Variants in RPGRIP1L observed in about 807,000 individuals in gnomAD.
RPGRIP1L encodes the protein RPGRIP1 like.
Under a neutral mutation model 160.4 loss-of-function variants are expected in RPGRIP1L, and 131 were observed. The ratio of observed to expected loss-of-function variants is 0.82; its 90% CI spans 0.71 to 0.94. The LOEUF (loss-of-function observed/expected upper bound fraction) is 0.94, where lower values mean the gene tolerates loss of function less well. Among genes scored for constraint, RPGRIP1L ranks in the 40% least tolerant of loss-of-function variants. The pLI is 0.00. For missense variants in RPGRIP1L, 1,522 were observed against 1,535.8 expected (o/e 0.99, Z 0.15); for synonymous variants, 510 against 515.8 (o/e 0.99, Z 0.15).
chr16:53,660,123 C>T (rs754750016), intron 10 of RPGRIP1L, among the ~76,000 whole-genome samples: 3 of 152,118 alleles, frequency 2.0e-5, no homozygotes, highest in African/African-American at 7.2e-5. Context: ...AGCATAATAG[C>T]TAGCGAACAA....
At chr16:53,664,440 C>T (rs965868528) in intron 10 of RPGRIP1L, among the ~76,000 whole-genome samples, 9 of 152,150 alleles carry the variant, frequency 5.9e-5, no homozygotes, top group Non-Finnish European at 1.2e-4. Flanking sequence ...CACCACCTCA[C>T]GTATTACATA....
At position 53,686,590 on chromosome 16, in the gene RPGRIP1L, C is replaced by G; in HGVS notation, c.633-14G>C. 3 of 1,613,100 alleles carry G rather than the reference C, an allele frequency of 1.9e-6. No homozygotes were observed. The highest frequency in any genetic ancestry group is 2.5e-6 in the Non-Finnish European group (3 of 1,179,456). Reference sequence around the variant, plus strand: ...ATAACGTTTTCTCTGAAATAAAGAGCCTCTGTAAGAACTTGTAGTTTGAGG... The same window carrying G: ...ATAACGTTTTCTCTGAAATAAAGAGGCTCTGTAAGAACTTGTAGTTTGAGG... On this transcript the variant is annotated splice_polypyrimidine_tract_variant and intron_variant, in intron 5 of 26. Transcript: ENST00000647211.
chr16:53,656,603 G>GA lies in RPGRIP1L; in HGVS notation c.1582-15dup. On this transcript the variant is annotated splice_polypyrimidine_tract_variant and intron_variant, in intron 13 of 26. Coordinates refer to ENST00000647211, the MANE Select transcript of RPGRIP1L (RefSeq NM_015272.5). ...CTCAACCTCCATCTACAAAATAAGG[G>GA]AAAATAAGTTTTAATACTTATGATT... is the stretch of plus-strand genomic sequence containing the variant. 6.5e-7 allele frequency: 1 copy of GA among 1,543,352 alleles called. No homozygotes were observed. The highest frequency in any genetic ancestry group is 2.2e-5 in the East Asian group (1 of 44,510).
chr16:53,640,472 A>C (rs985942006), intron 19 of RPGRIP1L, among the ~76,000 whole-genome samples: 1 of 152,150 alleles, frequency 6.6e-6, no homozygotes, highest in African/African-American at 2.4e-5. Flanking sequence ...ACGTCTGAGG[A>C]TTGACTGCAG....
chr16:53,644,784 C>T (rs1159440675), intron 17 of RPGRIP1L, among the ~76,000 whole-genome samples: 1 of 152,116 alleles, frequency 6.6e-6, no homozygotes, highest in African/African-American at 2.4e-5. Flanking sequence ...AGAATCCTCC[C>T]AGACTGAGAG....
In RPGRIP1L at chr16:53,629,491, C is replaced by T. The variant is rs1393679686; in HGVS notation, c.3294+6948G>A. On this transcript the variant is annotated intron_variant, in intron 22 of 26. Transcript: ENST00000647211. ...GGATCACACTTTGAGAAATATTGCT[C>T]TAAACCAAAAAAGATTCATCTTCCA... Among the ~76,000 whole-genome samples, 4 of 152,048 alleles carry T rather than the reference C, an allele frequency of 2.6e-5. No homozygotes were observed. In the East Asian group the frequency reaches 7.7e-4, roughly 29 times the overall value.
chr16:53,678,076 T>C (rs781653368), intron 6 of RPGRIP1L, among the ~76,000 whole-genome samples: 2 of 151,868 alleles, frequency 1.3e-5, no homozygotes, highest in Non-Finnish European at 2.9e-5. Context: ...AAAATTTTCA[T>C]CAAGGATTTT....
intron 3 of RPGRIP1L, among the ~76,000 whole-genome samples, chr16:53,692,656 C>T (rs1039459878): frequency 6.6e-6 from 1 of 152,316 alleles, no homozygotes; most frequent in Admixed American, 6.5e-5. Context: ...CAATTTTTAA[C>T]GCATGACCTT....
At chr16:53,679,996 T>G (rs1172430661) in intron 6 of RPGRIP1L, among the ~76,000 whole-genome samples, 1 of 152,208 alleles carries the variant, frequency 6.6e-6, no homozygotes, top group Non-Finnish European at 1.5e-5. Context: ...CTCTTCAAAG[T>G]TAAATTCTTC....
At chr16:53,701,477 T>C (rs1195597150) in intron 1 of RPGRIP1L, among the ~76,000 whole-genome samples, 2 of 150,762 alleles carry the variant, frequency 1.3e-5, no homozygotes, top group African/African-American at 4.9e-5. Context: ...AAATACACCA[T>C]AGTAACTCTA....
At chr16:53,622,950 G>T (rs1964835717) in intron 22 of RPGRIP1L, among the ~76,000 whole-genome samples, 1 of 152,020 alleles carries the variant, frequency 6.6e-6, no homozygotes, top group South Asian at 2.1e-4. Context: ...AGGGAGCCAT[G>T]ATCTTGCCAC....
chr16:53,617,262 A>G (rs756388015), intron 24 of RPGRIP1L, among the ~76,000 whole-genome samples: 1 of 152,050 alleles, frequency 6.6e-6, no homozygotes, highest in Non-Finnish European at 1.5e-5. Flanking sequence ...AAGTTTCTCA[A>G]TAGACAATTA....
At chr16:53,637,433 T>G (rs1965910185) in intron 21 of RPGRIP1L, among the ~76,000 whole-genome samples, 2 of 152,182 alleles carry the variant, frequency 1.3e-5, no homozygotes, top group South Asian at 4.1e-4. Flanking sequence ...AACACAAAAC[T>G]GTTTAAAACA....
At chr16:53,663,744 T>C (rs541269928) in intron 10 of RPGRIP1L, among the ~76,000 whole-genome samples, 1 of 152,112 alleles carries the variant, frequency 6.6e-6, no homozygotes, top group East Asian at 1.9e-4. Flanking sequence ...ATGTAGTCAC[T>C]TGGTGAATAA....
intron 22 of RPGRIP1L, among the ~76,000 whole-genome samples, chr16:53,625,017 T>C (rs1964996405): frequency 1.3e-5 from 2 of 152,152 alleles, no homozygotes; most frequent in South Asian, 2.1e-4. Flanking sequence ...CTGCCCACCT[T>C]GGCCTCCCCA....
chr16:53,624,353 C>A (rs1264460470), intron 22 of RPGRIP1L, among the ~76,000 whole-genome samples: 1 of 152,030 alleles, frequency 6.6e-6, no homozygotes, highest in Non-Finnish European at 1.5e-5. Flanking sequence ...GAGATCGAGA[C>A]CATCCTGGCT....
At position 53,637,801 on chromosome 16, in the gene RPGRIP1L, C is replaced by T. The variant is rs746244000; in HGVS notation, c.3114G>A (p.Gln1038=). 1.2e-6 allele frequency: 2 copies of T among 1,613,280 alleles called. No homozygotes were observed. Among genetic ancestry groups the T allele is most frequent in the South Asian group, 2.2e-5 (2 of 91,072 alleles). ...DEVKENTEKM[Q]QGKDDVSLLS... is the part of the protein sequence containing the mutation. ...GTAAAGACACATCATCTTTTCCTTG[C>T]TGCATTTTCTCAGTATTCTCTTTTA... Residue 1038 remains glutamine, a synonymous_variant, in exon 21 of 27, where the codon CAG becomes CAA. Transcript: ENST00000647211.
intron 7 of RPGRIP1L, among the ~76,000 whole-genome samples, chr16:53,673,805 C>T (rs980637906): frequency 2.6e-5 from 4 of 152,008 alleles, no homozygotes; most frequent in Non-Finnish European, 5.9e-5. Flanking sequence ...TTTCTAGGCT[C>T]CACACTTCAC....
At chr16:53,604,525 C>T (rs544639017) in intron 26 of RPGRIP1L, among the ~76,000 whole-genome samples, 13 of 152,286 alleles carry the variant, frequency 8.5e-5, no homozygotes, top group Admixed American at 7.8e-4. Flanking sequence ...ATTAATAAAA[C>T]AATTTAGCAC....
Sources: allele counts gnomAD v4.1 joint callset (sites outside exome capture counted in the v4.1 genomes callset), GRCh38; gene constraint gnomAD v4.1.1; transcripts MANE v1.5; gene names NCBI Gene and HGNC (gene_info 2026-07-23, HGNC 2026-07-21).